The following MFHAS1 variants were observed in gnomAD, a reference collection of about 807,000 sequenced individuals.
MFHAS1 encodes malignant fibrous histiocytoma-amplified sequence 1.
MFHAS1 carries 50 observed loss-of-function variants against 70.4 expected under a neutral mutation model. The observed-to-expected ratio is 0.71, with a 90% CI of 0.57 to 0.90. The LOEUF (loss-of-function observed/expected upper bound fraction) is 0.90. Ranked by LOEUF, MFHAS1 falls within the 40% of genes least tolerant of loss-of-function variation. The pLI, the probability that MFHAS1 is intolerant of heterozygous loss-of-function variation, is 0.00. For synonymous variants in MFHAS1, 952 were observed against 620.0 expected (o/e 1.54, Z -7.96); for missense variants, 1,795 against 1,347.6 (o/e 1.33, Z -5.20).
At chr8:8,860,231 A>G (rs1445254999) in intron 1 of MFHAS1, among the ~76,000 whole-genome samples, 2 of 152,208 alleles carry the variant, frequency 1.3e-5, no homozygotes, top group Non-Finnish European at 2.9e-5. Flanking sequence ...CTCACACGAC[A>G]GCCCTTCTTG....
intron 1 of MFHAS1, among the ~76,000 whole-genome samples, chr8:8,862,833 A>G (rs568007821): frequency 1.3e-5 from 2 of 152,296 alleles, no homozygotes; most frequent in Non-Finnish European, 2.9e-5. Flanking sequence ...CAGGGAACAG[A>G]TGGGCAATCT....
chr8:8,868,905 T>C (rs1478453196), intron 1 of MFHAS1, among the ~76,000 whole-genome samples: 1 of 152,246 alleles, frequency 6.6e-6, no homozygotes, highest in East Asian at 1.9e-4. Context: ...CATTCTCTGC[T>C]GTGTTTTACA....
intron 1 of MFHAS1, among the ~76,000 whole-genome samples, chr8:8,807,386 G>C (rs547655563): frequency 2.4e-4 from 36 of 152,006 alleles, no homozygotes; most frequent in Non-Finnish European, 4.3e-4. Flanking sequence ...GGTCTCTGTG[G>C]TCCATTCATT....
At chr8:8,865,149 C>T (rs148100906) in intron 1 of MFHAS1, among the ~76,000 whole-genome samples, 90 of 151,942 alleles carry the variant, frequency 5.9e-4, no homozygotes, top group African/African-American at 2.1e-3. Context: ...CGGTGGCATG[C>T]ACCTGTAATC....
intron 1 of MFHAS1, among the ~76,000 whole-genome samples, chr8:8,887,560 G>A (rs1203982552): frequency 1.3e-5 from 2 of 149,682 alleles, no homozygotes; most frequent in Non-Finnish European, 3.0e-5. Flanking sequence ...TATTTTATAT[G>A]TACATATTTT....
At chr8:8,786,111 C>T (rs1421655229) in intron 2 of MFHAS1, 56 bp from the exon 3 acceptor site, 7 of 1,455,976 alleles carry the variant, frequency 4.8e-6, no homozygotes, top group Non-Finnish European at 6.8e-6. Context: ...CTGGACAATG[C>T]TACCCTCAAT....
Position 8,797,604 on chromosome 8 carries a change from G to T in MFHAS1, c.2999-113C>A, listed in dbSNP as rs1805953215. 4 of 1,193,408 alleles carry T rather than the reference G, an allele frequency of 3.4e-6. No homozygotes were observed. In the South Asian group the frequency reaches 6.3e-5, roughly 19 times the overall value. 73.9% of individuals were successfully genotyped at this position (1,193,408 alleles called of 1,614,324 possible). A position where few individuals can be genotyped will look rare whatever the true frequency, so the allele number is the denominator to read the frequency against. ...GCAGGGGGAGAAGGGCAGAGGTGAA[G>T]CAACGAAGGATGTGAGAACAAATGT... On this transcript the variant is annotated intron_variant, in intron 1 of 2. Coordinates refer to ENST00000276282, the MANE Select transcript of MFHAS1 (RefSeq NM_004225.3).
intron 1 of MFHAS1, among the ~76,000 whole-genome samples, chr8:8,847,387 G>A (rs1644620390): frequency 6.6e-6 from 1 of 152,114 alleles, no homozygotes; most frequent in African/African-American, 2.4e-5. Context: ...TCACCATGTT[G>A]GCCAGGCTGG....
chr8:8,803,516 CAA>C (rs34602481), intron 1 of MFHAS1, among the ~76,000 whole-genome samples: 193 of 125,556 alleles, frequency 1.5e-3, no homozygotes, highest in Non-Finnish European at 1.6e-3. Flanking sequence ...GACCCTGTCT[CAA>C]AAAAAAAAAA....
chr8:8,800,397 T>G (rs2117263880), intron 1 of MFHAS1, among the ~76,000 whole-genome samples: 1 of 152,302 alleles, frequency 6.6e-6, no homozygotes, highest in East Asian at 1.9e-4. Flanking sequence ...ATCAAAGTAA[T>G]AAAATGAACC....
At chr8:8,796,245 C>T (rs919642964) in intron 2 of MFHAS1, among the ~76,000 whole-genome samples, 16 of 152,096 alleles carry the variant, frequency 1.1e-4, no homozygotes, top group African/African-American at 3.9e-4. Flanking sequence ...TGGCAAACTG[C>T]ACAGCCCTTG....
intron 1 of MFHAS1, among the ~76,000 whole-genome samples, chr8:8,841,200 C>T (rs1184062845): frequency 1.3e-5 from 2 of 152,164 alleles, no homozygotes; most frequent in African/African-American, 2.4e-5. Flanking sequence ...TTGGGTCGGG[C>T]GTGGTGGCTC....
chr8:8,887,739 T>C (rs925503156), intron 1 of MFHAS1, among the ~76,000 whole-genome samples: 1 of 151,552 alleles, frequency 6.6e-6, no homozygotes, highest in Non-Finnish European at 1.5e-5. Context: ...TGTGCCTCAT[T>C]TGAAAGGCAA....
At chr8:8,826,732 C>G (rs1372264491) in intron 1 of MFHAS1, among the ~76,000 whole-genome samples, 2 of 152,068 alleles carry the variant, frequency 1.3e-5, no homozygotes, top group Non-Finnish European at 2.9e-5. Context: ...GGCTCCATCT[C>G]AAAAAAGAGC....
intron 1 of MFHAS1, among the ~76,000 whole-genome samples, chr8:8,804,481 C>G (rs1267128449): frequency 6.6e-6 from 1 of 152,218 alleles, no homozygotes; most frequent in African/African-American, 2.4e-5. Flanking sequence ...TTTGTGAAGT[C>G]TTAGCAGTCA....
intron 2 of MFHAS1, 111 bp downstream of exon 2, chr8:8,797,254 G>C: frequency 8.1e-7 from 1 of 1,241,080 alleles, no homozygotes; most frequent in South Asian, 1.6e-5. Flanking sequence ...CTGTTCAGGA[G>C]GACTTTGCAA....
At chr8:8,856,218 G>A (rs1219462896) in intron 1 of MFHAS1, among the ~76,000 whole-genome samples, 1 of 152,220 alleles carries the variant, frequency 6.6e-6, no homozygotes, top group African/African-American at 2.4e-5. Flanking sequence ...AGCCAAAGGA[G>A]CTGGGCATGG....
intron 1 of MFHAS1, among the ~76,000 whole-genome samples, chr8:8,875,976 T>C (rs1007116379): frequency 3.3e-5 from 5 of 152,188 alleles, no homozygotes; most frequent in African/African-American, 1.2e-4. Context: ...ACCTCTTCTA[T>C]GAAGAAAAGA....
chr8:8,892,325 C>T lies in MFHAS1; in HGVS notation c.734G>A (p.Gly245Asp). The change falls in exon 1 of 3, where the codon GGC becomes GAC. Residue 245 changes from glycine to aspartate, a missense_variant. By Grantham distance (94) the Gly-to-Asp change is moderately conservative (BLOSUM62 -1). Transcript: ENST00000276282. This position sits in a 1 kb window ranked among gnomAD's most constrained non-coding sequence, Gnocchi z 4.7. ...CTCCAAACTGGCCAGCTCGCAGAAG[C>T]CGGCGGGCAGCGTGCCAAGCTCGGC... ...SGAELGTLPA[G>D]FCELASLESL... 4 of 1,612,166 alleles carry T rather than the reference C, an allele frequency of 2.5e-6. No homozygotes were observed. The highest frequency in any genetic ancestry group is 3.4e-6 in the Non-Finnish European group (4 of 1,180,000).
Sources: allele counts gnomAD v4.1 joint callset (sites outside exome capture counted in the v4.1 genomes callset), GRCh38; gene constraint gnomAD v4.1.1; non-coding constraint Gnocchi (gnomAD v3.1); transcripts MANE v1.5; gene names NCBI Gene and HGNC (gene_info 2026-07-23, HGNC 2026-07-21).